Variants in RPS6KA2 observed in about 807,000 individuals in gnomAD.
The protein encoded by RPS6KA2 is ribosomal protein S6 kinase A2.
A neutral mutation model predicts 91.8 loss-of-function variants in RPS6KA2; 42 were observed. That is an observed-to-expected ratio of 0.46 (90% confidence interval 0.36 to 0.59). The LOEUF is 0.59. Ranked by LOEUF, RPS6KA2 falls within the 20% of genes least tolerant of loss-of-function variation. The pLI, the probability that RPS6KA2 is intolerant of heterozygous loss-of-function variation, is 0.00. For missense variants in RPS6KA2, 798 were observed against 978.5 expected, an observed-to-expected ratio of 0.82 and a Z score of 2.46; for synonymous variants, 414 against 393.6, an observed-to-expected ratio of 1.05 and a Z score of -0.61.
chr6:166,703,433 A>G (rs1374562566), intron 2 of RPS6KA2, among the ~76,000 whole-genome samples: 1 of 152,230 alleles, frequency 6.6e-6, no homozygotes, highest in African/African-American at 2.4e-5. Context: ...TAATTCAAAG[A>G]ATATGCATAT....
rs1243600305 is a variant in RPS6KA2 at position 166,554,838 on chromosome 6, A to G, written c.100-16054T>C. 1.3e-5 allele frequency among the ~76,000 whole-genome samples: 2 copies of G among 152,224 alleles called. No homozygotes were observed. The highest frequency in any genetic ancestry group is 2.4e-5 in the African/African-American group (1 of 41,464). The stretch of plus-strand genomic sequence containing the variant: ...GACCAGCAACTCCACAGCAAGTCAG[A>G]AATACAGAGATTGCCCACCGCATGA... On this transcript the variant is annotated intron_variant, in intron 1 of 20. Transcript: ENST00000265678. The surrounding 1 kb of genome is among the most constrained non-coding windows in gnomAD (Gnocchi z 4.3).
chr6:166,703,285 A>C (rs985297027), intron 2 of RPS6KA2, among the ~76,000 whole-genome samples: 5 of 152,264 alleles, frequency 3.3e-5, no homozygotes, highest in African/African-American at 4.8e-5. Context: ...AACAGCTAGA[A>C]ACATTTCAAA....
chr6:166,853,368 A>G (rs1235270280), intron 2 of RPS6KA2, among the ~76,000 whole-genome samples: 1 of 152,270 alleles, frequency 6.6e-6, no homozygotes, highest in Admixed American at 6.5e-5. Context: ...TCATCTATGT[A>G]TCTAAGAACA....
At position 166,500,963 on chromosome 6, in the gene RPS6KA2, G is replaced by A. The variant is rs199829181; in HGVS notation, c.567-39C>T. On this transcript the variant is annotated intron_variant, in intron 6 of 20. Coordinates refer to ENST00000265678, the MANE Select transcript of RPS6KA2 (RefSeq NM_021135.6). The surrounding 1 kb of genome is among the most constrained non-coding windows in gnomAD (Gnocchi z 4.3). ...AGAGAAAACAGATGCTTTAGAAAGA[G>A]ACCCAGCCTGCCGACGGGCACGCAG... 2 of 1,601,086 alleles carry A rather than the reference G, an allele frequency of 1.2e-6. No homozygotes were observed. Among genetic ancestry groups the A allele is most frequent in the East Asian group, 4.5e-5 (2 of 44,790 alleles).
At chr6:166,811,065 GACATCACACTA>G (rs1779629432) in intron 2 of RPS6KA2, among the ~76,000 whole-genome samples, 3 of 152,174 alleles carry the variant, frequency 2.0e-5, no homozygotes. Context: ...AGAATACGAT[GACATCACACTA>G]AGAAGAGAAA....
In RPS6KA2 at chr6:166,852,863, C is replaced by T. The variant is rs1780781335; in HGVS notation, c.123+5337G>A. Among the ~76,000 whole-genome samples the T allele has an allele frequency of 6.6e-6, 1 of 152,144 alleles. No homozygotes were observed. Among genetic ancestry groups the T allele is most frequent in the South Asian group, 2.1e-4 (1 of 4,826 alleles). On this transcript the variant is annotated intron_variant, in intron 2 of 21. Coordinates refer to the RPS6KA2 transcript ENST00000503859. This position sits in a 1 kb window ranked among gnomAD's most constrained non-coding sequence, Gnocchi z 4.1. ...CTCAAAGAGACTGTCATCTGGCAGCCGAAACCCTGTGATCCCCGTGTGGCT... is the reference window on the plus strand; with the variant it reads ...CTCAAAGAGACTGTCATCTGGCAGCTGAAACCCTGTGATCCCCGTGTGGCT...
chr6:166,762,649 C>T (rs919777292), intron 2 of RPS6KA2, among the ~76,000 whole-genome samples: 2 of 152,148 alleles, frequency 1.3e-5, no homozygotes, highest in African/African-American at 2.4e-5. Context: ...ACATGAAAGT[C>T]CTGTTTGCTC....
chr6:166,658,273 A>G (rs1788057744), intron 2 of RPS6KA2, among the ~76,000 whole-genome samples: 1 of 152,164 alleles, frequency 6.6e-6, no homozygotes, highest in Non-Finnish European at 1.5e-5. Flanking sequence ...TGCTGAGCCC[A>G]GGGTGCATCC....
rs780478422 is a variant in RPS6KA2, at chr6:166,498,605, T to C, written c.650A>G (p.Tyr217Cys). The change falls in exon 8 of 21, where the codon TAC becomes TGC. Residue 217 changes from tyrosine (Y) to cysteine (C), a missense_variant. By Grantham distance (194) the Tyr-to-Cys change is radical. Coordinates refer to ENST00000265678, the MANE Select transcript of RPS6KA2 (RefSeq NM_021135.6). ...GTACTCGATCGTCCCGCAGAAGGAGTACGCTCTCTTGTCGTGGTCAATGGC... is the reference window on the plus strand; with the variant it reads ...GTACTCGATCGTCCCGCAGAAGGAGCACGCTCTCTTGTCGTGGTCAATGGC... ...KEAIDHDKRA[Y>C]SFCGTIEYMA... is the part of the protein sequence containing the mutation. 6.2e-7 allele frequency: 1 copy of C among 1,613,626 alleles called. No homozygotes were observed. Among genetic ancestry groups the C allele is most frequent in the Non-Finnish European group, 8.5e-7 (1 of 1,179,930 alleles).
At chr6:166,684,610 T>C (rs1413730785) in intron 2 of RPS6KA2, among the ~76,000 whole-genome samples, 2 of 152,158 alleles carry the variant, frequency 1.3e-5, no homozygotes, top group African/African-American at 4.8e-5. Context: ...AGGTGGGGTC[T>C]CACCGGGTGC....
Position 166,648,967 on chromosome 6 carries a change from G to GATT in RPS6KA2, c.124-110184_124-110183insAAT, listed in dbSNP as rs1741558425. On this transcript the variant is annotated intron_variant, in intron 2 of 21. Coordinates refer to the RPS6KA2 transcript ENST00000503859. This position sits in a 1 kb window ranked among gnomAD's most constrained non-coding sequence, Gnocchi z 4.8. Reference sequence around the variant, plus strand: ...GGCACCTCATGCCAGCCCTACTAATGGGCTCCTTCCTTCGCCCCTCCTCCA... The same window carrying GATT: ...GGCACCTCATGCCAGCCCTACTAATGATTGGCTCCTTCCTTCGCCCCTCCTCCA... 6.6e-6 allele frequency among the ~76,000 whole-genome samples: 1 copy of GATT among 152,034 alleles called. No individual in the cohort carries two copies. The highest frequency in any genetic ancestry group is 2.1e-4 in the South Asian group (1 of 4,824).
intron 2 of RPS6KA2, among the ~76,000 whole-genome samples, chr6:166,704,703 T>G (rs548843427): frequency 6.6e-6 from 1 of 152,328 alleles, no homozygotes; most frequent in East Asian, 1.9e-4. Context: ...AACGAGCACA[T>G]GATGGTGACC....
At chr6:166,464,011 G>A (rs1780427451) in intron 11 of RPS6KA2, among the ~76,000 whole-genome samples, 1 of 152,164 alleles carries the variant, frequency 6.6e-6, no homozygotes, top group East Asian at 1.9e-4. Context: ...AGTGCTCCTA[G>A]TGTATATAAT....
Position 166,770,854 on chromosome 6 carries a change from GCTT to G in RPS6KA2, c.123+87343_123+87345del. The G allele has an allele frequency of 6.3e-7, 1 of 1,585,828 alleles. No homozygotes were observed. Among genetic ancestry groups the G allele is most frequent in the Non-Finnish European group, 8.5e-7 (1 of 1,176,616 alleles). ...TGGAAAAAAACAAACCCACAGGAAC[GCTT>G]CTTACCTCTACGGATCCAGCTACCT... On this transcript the variant is annotated intron_variant, in intron 2 of 21. Transcript: ENST00000503859. This position sits in a 1 kb window ranked among gnomAD's most constrained non-coding sequence, Gnocchi z 5.1.
intron 20 of RPS6KA2, 144 bp from the exon 21 acceptor site, chr6:166,413,031 C>T: frequency 1.1e-6 from 1 of 876,000 alleles, no homozygotes; most frequent in Non-Finnish European, 1.7e-6. Context: ...GCATGGAGTG[C>T]TGTTAGCCTG....
intron 2 of RPS6KA2, among the ~76,000 whole-genome samples, chr6:166,723,419 C>T (rs1253810852): frequency 1.3e-5 from 2 of 152,290 alleles, no homozygotes; most frequent in South Asian, 4.1e-4. Context: ...GGGGGTCCCA[C>T]ACGTGTGCAC....
intron 1 of RPS6KA2, among the ~76,000 whole-genome samples, chr6:166,543,673 A>C (rs1783730275): frequency 6.6e-6 from 1 of 151,790 alleles, no homozygotes; most frequent in Admixed American, 6.6e-5. Context: ...CCATGTAGTT[A>C]CCCCCTTGGA....
rs566855277 is a variant in RPS6KA2 at position 166,553,192 on chromosome 6, C to T, written c.100-14408G>A. ...GGAGTGCAGTGGTGCAAACACCCCT[C>T]GCTGCATCTTTGACCTCCCTGGGCT... is the stretch of plus-strand genomic sequence containing the variant. On this transcript the variant is annotated intron_variant, in intron 1 of 20. Coordinates refer to ENST00000265678, the MANE Select transcript of RPS6KA2 (RefSeq NM_021135.6). Among the ~76,000 whole-genome samples the T allele has an allele frequency of 1.6e-4, 24 of 152,316 alleles. No individual in the cohort carries two copies. The South Asian group carries it at 3.1e-3, about 20-fold the overall frequency.
intron 5 of RPS6KA2, among the ~76,000 whole-genome samples, chr6:166,507,367 A>AACACACAC (rs3837033): frequency 1.2e-5 from 1 of 80,300 alleles, no homozygotes; most frequent in Non-Finnish European, 2.5e-5. Flanking sequence ...CAGCACACCC[A>AACACACAC]ACACACACAC....
Sources: gnomAD v4.1 joint callset for allele counts (sites outside exome capture counted in the v4.1 genomes callset) on GRCh38, gnomAD v4.1.1 for gene constraint, Gnocchi (gnomAD v3.1) non-coding constraint, MANE v1.5 for transcripts, NCBI Gene and HGNC (gene_info 2026-07-23, HGNC 2026-07-21) for gene names.